Variants in C2CD5 observed in about 807,000 individuals in gnomAD.
C2CD5 encodes the protein C2 domain-containing protein 5.
A neutral mutation model predicts 130.3 loss-of-function variants in C2CD5; 109 were observed. That is an observed-to-expected ratio of 0.84 (90% CI 0.72 to 0.98). C2CD5 has a LOEUF of 0.98. C2CD5 is among the 50% of genes least tolerant of loss of function. C2CD5 has a pLI of 0.00. For missense variants in C2CD5, 996 were observed against 1,261.8 expected (o/e 0.79, Z 3.19); for synonymous variants, 454 against 429.2 (o/e 1.06, Z -0.71).
chr12:22,460,967 G>A (rs547213038), intron 22 of C2CD5, among the ~76,000 whole-genome samples: 35 of 152,264 alleles, frequency 2.3e-4, no homozygotes, highest in African/African-American at 6.7e-4. Flanking sequence ...TGGGGTCCAC[G>A]AATGGCCTAT....
chr12:22,527,963 T>G, intron 3 of C2CD5, 71 bp from the exon 4 acceptor site: 2 of 840,986 alleles, frequency 2.4e-6, no homozygotes, highest in Non-Finnish European at 3.4e-6. Flanking sequence ...TATACCTATA[T>G]CAAATGAAAA....
intron 13 of C2CD5, 183 bp downstream of exon 13, chr12:22,484,514 A>G (rs1565702009): frequency 2.4e-6 from 1 of 411,438 alleles, no homozygotes; most frequent in East Asian, 3.6e-5. Flanking sequence ...ACACAAACTT[A>G]TTTGAGTTTT....
At chr12:22,456,137 C>T (rs993223292) in intron 25 of C2CD5, among the ~76,000 whole-genome samples, 1 of 152,146 alleles carries the variant, frequency 6.6e-6, no homozygotes, top group African/African-American at 2.4e-5. Flanking sequence ...AGTGTGCAGG[C>T]TGTTATTCCT....
At chr12:22,506,883 T>A in intron 9 of C2CD5, 64 bp from the exon 10 acceptor site, 1 of 1,000,858 alleles carries the variant, frequency 1.0e-6, no homozygotes, top group Non-Finnish European at 1.6e-6. Context: ...ATTTGCTTAT[T>A]AAAAAGCTTG....
At chr12:22,474,971 C>T (rs1175436471) in intron 15 of C2CD5, 80 bp from the exon 16 acceptor site, 1 of 894,654 alleles carries the variant, frequency 1.1e-6, no homozygotes, top group African/African-American at 1.7e-5. Context: ...TTAGTAGACA[C>T]CTACCTGTGG....
chr12:22,457,280 T>C lies in C2CD5; in HGVS notation c.2687-119A>G, dbSNP rs986777555. 44 of 589,930 alleles carry C rather than the reference T, an allele frequency of 7.5e-5. No individual in the cohort carries two copies. In the Middle Eastern group the frequency reaches 1.1e-3, roughly 15 times the overall value. The allele number at this position is 589,930 out of a possible 1,614,324, so 36.5% of individuals were successfully genotyped here. ...CTGTCTGTGAGGCTAAGCCATGTCA[T>C]GAAAGAAAAGAAATTATCATGCACT... On this transcript the variant is annotated intron_variant, in intron 24 of 26. Transcript: ENST00000446597.
In C2CD5 at chr12:22,510,779, T is replaced by A. The variant is rs560345204; in HGVS notation, c.1038+2515A>T. Among the ~76,000 whole-genome samples, 56 of 152,318 alleles carry A rather than the reference T, an allele frequency of 3.7e-4. 4 individuals carry two copies. In the South Asian group the frequency reaches 9.7e-3, roughly 26 times the overall value. ...AACTAAGTTCACTAGGTTTCTTGAC[T>A]GAAGGAACTAAAAAAGTACTTCCAT... On this transcript the variant is annotated intron_variant, in intron 9 of 26. Transcript: ENST00000446597.
chr12:22,540,714 CT>C, intron 2 of C2CD5, among the ~76,000 whole-genome samples: 1 of 152,222 alleles, frequency 6.6e-6, no homozygotes, highest in Non-Finnish European at 1.5e-5. Context: ...CAAAAATTAG[CT>C]GGGCGCGGAG....
rs981621365 is a variant in C2CD5 at position 22,466,773 on chromosome 12, T to A, written c.2533+2936A>T. 5.3e-5 allele frequency among the ~76,000 whole-genome samples: 8 copies of A among 152,356 alleles called. No homozygotes were observed. The South Asian group carries it at 6.2e-4, about 12-fold the overall frequency. On this transcript the variant is annotated intron_variant, in intron 22 of 26. Transcript: ENST00000446597. ...GATACACTTTTAAGTGTTTACTGATTATTTTAAATGCAGTATTCAAGGAAA... is the reference window on the plus strand; with the variant it reads ...GATACACTTTTAAGTGTTTACTGATAATTTTAAATGCAGTATTCAAGGAAA...
Position 22,472,932 on chromosome 12 carries a change from G to GA in C2CD5, c.2044-126dup, listed in dbSNP as rs556151520. 66 of 623,406 alleles carry GA rather than the reference G, an allele frequency of 1.1e-4. No individual in the cohort carries two copies. The African/African-American group carries it at 1.1e-3, about 10-fold the overall frequency. The allele number at this position is 623,406 out of a possible 1,614,324, so 38.6% of individuals were successfully genotyped here. A position where few individuals can be genotyped will look rare whatever the true frequency, so the allele number is the denominator to read the frequency against. On this transcript the variant is annotated intron_variant, in intron 16 of 26. Transcript: ENST00000446597. Reference sequence around the variant, plus strand: ...TTTCCTAAGTAAAAATATGTAACAAGAAAAAAATTCTAATATCAGTAAATT... The same window carrying GA: ...TTTCCTAAGTAAAAATATGTAACAAGAAAAAAAATTCTAATATCAGTAAATT...
intron 18 of C2CD5, 108 bp from the exon 19 acceptor site, chr12:22,472,173 G>A: frequency 4.7e-6 from 4 of 850,372 alleles, no homozygotes; most frequent in Non-Finnish European, 5.7e-6. Flanking sequence ...AGTAGAATAA[G>A]GATGGTATTT....
At chr12:22,508,547 T>TG (rs1948836491) in intron 9 of C2CD5, among the ~76,000 whole-genome samples, 1 of 152,162 alleles carries the variant, frequency 6.6e-6, no homozygotes, top group Non-Finnish European at 1.5e-5. Flanking sequence ...TGAATGTAAA[T>TG]GAAGTTTTGA....
chr12:22,459,454 C>G (rs746147441), intron 23 of C2CD5, 38 bp downstream of exon 23: 2 of 1,370,966 alleles, frequency 1.5e-6, no homozygotes, highest in East Asian at 5.0e-5. Context: ...TAGAATTTTA[C>G]ACCTTTGGTG....
chr12:22,485,567 T>G (rs1945379335), intron 12 of C2CD5, among the ~76,000 whole-genome samples: 1 of 152,064 alleles, frequency 6.6e-6, no homozygotes. Flanking sequence ...ACAGGCATAC[T>G]CTAAGATTTC....
At chr12:22,461,398 G>C (rs1407290209) in intron 22 of C2CD5, among the ~76,000 whole-genome samples, 1 of 152,102 alleles carries the variant, frequency 6.6e-6, no homozygotes. Context: ...TCTATACCTT[G>C]ATATTATCTG....
chr12:22,501,235 C>A (rs1947744928), intron 10 of C2CD5, among the ~76,000 whole-genome samples: 1 of 152,100 alleles, frequency 6.6e-6, no homozygotes, highest in African/African-American at 2.4e-5. Flanking sequence ...CACACACTTC[C>A]AACGTGACAT....
chr12:22,528,291 T>C (rs1028370380), intron 3 of C2CD5, among the ~76,000 whole-genome samples: 1 of 152,224 alleles, frequency 6.6e-6, no homozygotes, highest in Non-Finnish European at 1.5e-5. Context: ...CCACAATTTC[T>C]AAGGGCGATT....
chr12:22,536,501 G>C (rs1565815812), intron 2 of C2CD5, among the ~76,000 whole-genome samples: 1 of 152,142 alleles, frequency 6.6e-6, no homozygotes, highest in Non-Finnish European at 1.5e-5. Context: ...TAGTCATTCA[G>C]CAGGAAAGTG....
At position 22,457,830 on chromosome 12, in the gene C2CD5, G is replaced by A. The variant is rs530691948; in HGVS notation, c.2686+654C>T. Among the ~76,000 whole-genome samples the A allele has an allele frequency of 5.9e-5, 9 of 152,188 alleles. No homozygotes were observed. In the East Asian group the frequency reaches 1.7e-3, roughly 29 times the overall value. The stretch of plus-strand genomic sequence containing the variant: ...TCCCCATTTCATGCATGAGGAAATG[G>A]AAGGTTAGAGAAGTTAAGTAACTTG... On this transcript the variant is annotated intron_variant, in intron 24 of 26. Coordinates refer to ENST00000446597, the MANE Select transcript of C2CD5 (RefSeq NM_001286176.2).
Sources: gnomAD v4.1 joint callset for allele counts (sites outside exome capture counted in the v4.1 genomes callset) on GRCh38, gnomAD v4.1.1 for gene constraint, MANE v1.5 for transcripts, NCBI Gene and HGNC (gene_info 2026-07-23, HGNC 2026-07-21) for gene names.